The following TCF7 variants were observed in gnomAD, a reference collection of about 807,000 sequenced individuals.
TCF7 encodes T-cell-factor-7.
In TCF7, 19 loss-of-function variants were observed where a neutral mutation model predicts 46.8. The ratio of observed to expected loss-of-function variants is 0.41; its 90% CI spans 0.28 to 0.60. TCF7 has a LOEUF of 0.60. Ranked by LOEUF, TCF7 falls within the 20% of genes least tolerant of loss-of-function variation. TCF7 has a pLI of 0.35. For missense variants in TCF7, 547 were observed against 504.6 expected, an observed-to-expected ratio of 1.08 and a Z score of -0.81; for synonymous variants, 245 against 213.4, an observed-to-expected ratio of 1.15 and a Z score of -1.29.
intron 3 of TCF7, among the ~76,000 whole-genome samples, chr5:134,130,933 A>G (rs1758032869): frequency 6.6e-6 from 1 of 152,232 alleles, no homozygotes; most frequent in Non-Finnish European, 1.5e-5. Context: ...GACAGATAAC[A>G]GTCAACTATA....
At position 134,115,360 on chromosome 5, in the gene TCF7, G is replaced by A. The variant is rs767240423; in HGVS notation, c.289G>A (p.Asp97Asn). 3.2e-5 allele frequency: 52 copies of A among 1,602,596 alleles called. No homozygotes were observed. The highest frequency in any genetic ancestry group is 4.4e-5 in the Non-Finnish European group (52 of 1,175,450). Residue 97 changes from aspartate (D) to asparagine (N), a missense_variant, in exon 2 of 10, where the codon GAC (aspartate) becomes AAC (asparagine). Physicochemically the swap from Asp to Asn is conservative, Grantham distance 23 (BLOSUM62 1). Coordinates refer to ENST00000342854, the MANE Select transcript of TCF7 (RefSeq NM_003202.5). ...REHAAQRLFP[D>N]KLPEPLEDGL... Reference sequence around the variant, plus strand: ...ACACGCTGCGCAGAGACTCTTCCCGGACAAACTTCCAGAGCCCCTGGAGGA... The same window carrying A: ...ACACGCTGCGCAGAGACTCTTCCCGAACAAACTTCCAGAGCCCCTGGAGGA...
Position 134,115,024 on chromosome 5 carries a change from A to G in TCF7, c.118A>G (p.Ser40Gly). ...GGAGCAGGACGACAAGAGCCGCGAC[A>G]GCGCCGCCGGTCCCGAGCGCGACCT... ...GEEQDDKSRD[S>G]AAGPERDLAE... Residue 40 changes from serine (S) to glycine (G), a missense_variant, in exon 1 of 10, where the codon AGC becomes GGC. Transcript: ENST00000342854. 8.0e-7 allele frequency: 1 copy of G among 1,256,752 alleles called. No homozygotes were observed. The highest frequency in any genetic ancestry group is 1.5e-5 in the South Asian group (1 of 66,586). 77.9% of individuals were successfully genotyped at this position (1,256,752 alleles called of 1,614,324 possible).
At chr5:134,142,074 C>G in intron 5 of TCF7, 111 bp from the exon 6 acceptor site, 3 of 1,469,630 alleles carry the variant, frequency 2.0e-6, no homozygotes, top group South Asian at 2.5e-5. Context: ...GATAGAGTAT[C>G]TATCTGTTCA....
intron 3 of TCF7, among the ~76,000 whole-genome samples, chr5:134,122,422 C>A (rs749730917): frequency 6.6e-6 from 1 of 152,140 alleles, no homozygotes; most frequent in Non-Finnish European, 1.5e-5. Flanking sequence ...CGGCAGCACA[C>A]GGGAATATTC....
intron 9 of TCF7, chr5:134,144,543 A>ACTCC: frequency 2.0e-6 from 1 of 494,724 alleles, no homozygotes; most frequent in Non-Finnish European, 3.7e-6. Flanking sequence ...GATTGACAGG[A>ACTCC]CTCCCTCCCT....
Position 134,146,245 on chromosome 5 carries a change from G to A in TCF7, c.1097G>A (p.Gly366Asp), listed in dbSNP as rs374077688. 2 of 1,614,078 alleles carry A rather than the reference G, an allele frequency of 1.2e-6. No homozygotes were observed. The highest frequency in any genetic ancestry group is 2.7e-5 in the African/African-American group (2 of 74,916). ...STTGGKRNAF[G>D]TYPEKAAAPA... is the part of the protein sequence containing the mutation. ...CTAGGAGGAAAAAGAAATGCATTCG[G>A]TACTTACCCGGAGAAGGCCGCTGCC... Residue 366 changes from glycine (G) to aspartate (D), a missense_variant, in exon 10 of 10, where the codon GGT (glycine) becomes GAT (aspartate). Around this residue, in one of 3 missense-constraint regions of TCF7, gnomAD observed 90 missense variants for 88.8 expected, o/e 1.01. Transcript: ENST00000342854.
Position 134,146,452 on chromosome 5 carries a change from A to T in TCF7, c.*149A>T. 1 of 905,618 alleles carries T rather than the reference A, an allele frequency of 1.1e-6. No individual in the cohort carries two copies. The highest frequency in any genetic ancestry group is 1.8e-6 in the Non-Finnish European group (1 of 545,908). 56.1% of individuals were successfully genotyped at this position (905,618 alleles called of 1,614,324 possible). The stretch of plus-strand genomic sequence containing the variant: ...TCAGCCTCCCAACCCCAGGGCCCCC[A>T]CAGGCCCCCCGCAGCACCCTGCAGA... On this transcript the variant is annotated 3_prime_UTR_variant, in exon 10 of 10. Coordinates refer to ENST00000342854, the MANE Select transcript of TCF7 (RefSeq NM_003202.5).
At chr5:134,137,576 C>T (rs1272376419) in intron 3 of TCF7, among the ~76,000 whole-genome samples, 1 of 152,140 alleles carries the variant, frequency 6.6e-6, no homozygotes, top group Non-Finnish European at 1.5e-5. Context: ...AGGGCCCTTC[C>T]CTGTGTCAGA....
In TCF7 at chr5:134,148,129, AGT is replaced by A. The variant is rs1760926686; in HGVS notation, c.*1829_*1830del. 1 of 152,674 alleles carries A rather than the reference AGT, an allele frequency of 6.5e-6. No homozygotes were observed. Among genetic ancestry groups the A allele is most frequent in the Non-Finnish European group, 1.5e-5 (1 of 68,032 alleles). The allele number at this position is 152,674 out of a possible 1,614,324, so 9.5% of individuals were successfully genotyped here. ...GAAGTCTTGAGAAAAAGATTATTGT[AGT>A]GTTCAAAATATTTTTGTATTGTTAA... On this transcript the variant is annotated 3_prime_UTR_variant, in exon 10 of 10. Transcript: ENST00000342854.
intron 3 of TCF7, among the ~76,000 whole-genome samples, chr5:134,122,584 T>TG (rs1416642136): frequency 6.6e-6 from 1 of 152,144 alleles, no homozygotes; most frequent in Non-Finnish European, 1.5e-5. Flanking sequence ...AGCAGGGCTC[T>TG]GGGGGTGCTG....
intron 3 of TCF7, among the ~76,000 whole-genome samples, chr5:134,134,660 A>G (rs1024314100): frequency 7.9e-5 from 12 of 152,288 alleles, no homozygotes; most frequent in South Asian, 2.1e-4. Flanking sequence ...TCTGTGACCA[A>G]TGAGGTGAGT....
At chr5:134,138,623 A>G (rs535804779) in intron 4 of TCF7, 7 of 317,650 alleles carry the variant, frequency 2.2e-5, no homozygotes, top group Admixed American at 4.5e-5. Context: ...CCCCTAGACC[A>G]GGGGCCTGCC....
chr5:134,114,634 TCCCGCCCCCGGCCCGGCCCGCCCCCAGTG>T (rs1755538786), upstream of TCF7: 1 of 150,966 alleles, frequency 6.6e-6, no homozygotes, highest in African/African-American at 2.4e-5. Context: ...CGGACCTGTG[TCCCGCCCCCGGCCCGGCCCGCCCCCAGTG>T]CCCGCCCCGC....
At chr5:134,117,524 G>A (rs1461962618) in intron 3 of TCF7, among the ~76,000 whole-genome samples, 3 of 152,210 alleles carry the variant, frequency 2.0e-5, no homozygotes, top group Non-Finnish European at 2.9e-5. Flanking sequence ...CCAGCCTCCC[G>A]GGGCTCCACA....
Position 134,114,988 on chromosome 5 carries a change from G to T in TCF7, c.82G>T (p.Asp28Tyr). The T allele has an allele frequency of 8.1e-7, 1 of 1,232,044 alleles. No individual in the cohort carries two copies. Among genetic ancestry groups the T allele is most frequent in the South Asian group, 1.6e-5 (1 of 63,686 alleles). 76.3% of individuals were successfully genotyped at this position (1,232,044 alleles called of 1,614,324 possible). A position where few individuals can be genotyped will look rare whatever the true frequency, so the allele number is the denominator to read the frequency against. The change falls in exon 1 of 10, where the codon GAT (aspartate) becomes TAT (tyrosine). Residue 28 changes from aspartate (D) to tyrosine (Y), a missense_variant. Asp to Tyr is a radical substitution (Grantham distance 160). Transcript: ENST00000342854. ...GCCGGACGAGCTGCTGGCCTTCCAG[G>T]ATGAAGGCGAGGAGCAGGACGACAA... ...GAPDELLAFQ[D>Y]EGEEQDDKSR...
rs1397301011 is a variant in TCF7 at position 134,139,044 on chromosome 5, T to A, written c.635+6T>A. ...CTCCCCCACACTGTGAGCTGGTGAGTGTGGGCCCAATGGGAAAGGGGTACC... is the reference window on the plus strand; with the variant it reads ...CTCCCCCACACTGTGAGCTGGTGAGAGTGGGCCCAATGGGAAAGGGGTACC... On this transcript the variant is annotated splice_donor_region_variant and intron_variant, in intron 5 of 9. Transcript: ENST00000342854. The A allele has an allele frequency of 3.1e-6, 5 of 1,613,180 alleles. No homozygotes were observed. The highest frequency in any genetic ancestry group is 4.2e-6 in the Non-Finnish European group (5 of 1,179,842).
upstream of TCF7, among the ~76,000 whole-genome samples, chr5:134,113,992 G>C (rs552371512): frequency 6.6e-6 from 1 of 152,350 alleles, no homozygotes; most frequent in East Asian, 1.9e-4. Flanking sequence ...CTGGGACTTG[G>C]AGGATCGGCT....
chr5:134,141,897 G>C (rs1333601930), intron 5 of TCF7: 3 of 280,028 alleles, frequency 1.1e-5, no homozygotes, highest in Non-Finnish European at 2.0e-5. Flanking sequence ...CCTGAGGCTG[G>C]GTTGGTAGGG....
chr5:134,145,043 G>A, intron 9 of TCF7: 5 of 654,680 alleles, frequency 7.6e-6, no homozygotes, highest in Non-Finnish European at 1.4e-5. Context: ...ACAGCGCGTG[G>A]AGAAGACCAC....
Sources: allele counts gnomAD v4.1 joint callset (sites outside exome capture counted in the v4.1 genomes callset), GRCh38; gene constraint gnomAD v4.1.1; regional missense constraint gnomAD v4.1.1; transcripts MANE v1.5; gene names NCBI Gene and HGNC (gene_info 2026-07-23, HGNC 2026-07-21).